BNC2: variants seen among roughly 807,000 people sequenced by gnomAD.
BNC2 encodes basonuclin zinc finger protein 2.
BNC2 carries 20 observed loss-of-function variants against 76.3 expected under a neutral mutation model. That is an observed-to-expected ratio of 0.26 (90% CI 0.18 to 0.38). The LOEUF is 0.38. BNC2 is among the 10% of genes least tolerant of loss of function. BNC2 has a pLI of 1.00. For missense variants in BNC2, 1,382 were observed against 1,399.8 expected, an observed-to-expected ratio of 0.99 and a Z score of 0.20; for synonymous variants, 582 against 514.8, an observed-to-expected ratio of 1.13 and a Z score of -1.77.
chr9:16,482,388 C>G (rs2131534435), intron 5 of BNC2, among the ~76,000 whole-genome samples: 1 of 151,596 alleles, frequency 6.6e-6, no homozygotes, highest in Non-Finnish European at 1.5e-5. Flanking sequence ...TGTGTCAACC[C>G]AATAGTGTTG....
chr9:16,697,134 G>A (rs1447710004), intron 3 of BNC2, among the ~76,000 whole-genome samples: 3 of 152,012 alleles, frequency 2.0e-5, no homozygotes, highest in African/African-American at 7.2e-5. Flanking sequence ...GCTGAGGCGG[G>A]TGGATCACGA....
At chr9:16,719,136 C>G (rs902794567) in intron 3 of BNC2, among the ~76,000 whole-genome samples, 1 of 152,144 alleles carries the variant, frequency 6.6e-6, no homozygotes, top group South Asian at 2.1e-4. Context: ...GGCATTCTCA[C>G]TCAGGGACAC....
intron 4 of BNC2, among the ~76,000 whole-genome samples, chr9:16,573,002 A>C (rs1819369423): frequency 1.3e-5 from 2 of 152,036 alleles, no homozygotes; most frequent in African/African-American, 4.8e-5. Context: ...CCAGTGCGGG[A>C]AGATCATTTG....
chr9:16,734,239 G>A (rs1301736989), intron 2 of BNC2, among the ~76,000 whole-genome samples: 1 of 152,170 alleles, frequency 6.6e-6, no homozygotes, highest in Non-Finnish European at 1.5e-5. Flanking sequence ...ATCTGTGAAT[G>A]AATGAACTAT....
intron 5 of BNC2, among the ~76,000 whole-genome samples, chr9:16,497,556 C>T (rs1300325739): frequency 6.6e-6 from 1 of 152,118 alleles, no homozygotes; most frequent in Non-Finnish European, 1.5e-5. Context: ...GATCTCTGCT[C>T]TCATGGACCT....
At chr9:16,638,684 T>A (rs1821398476) in intron 3 of BNC2, among the ~76,000 whole-genome samples, 1 of 152,048 alleles carries the variant, frequency 6.6e-6, no homozygotes, top group Non-Finnish European at 1.5e-5. Flanking sequence ...ATAGACAACC[T>A]TTAAAAGAAA....
intron 5 of BNC2, among the ~76,000 whole-genome samples, chr9:16,551,408 G>C (rs1279652094): frequency 1.3e-5 from 2 of 152,198 alleles, no homozygotes; most frequent in African/African-American, 4.8e-5. Flanking sequence ...ACGAGAGGTA[G>C]ACTGAGGCTC....
At chr9:16,852,985 G>C (rs1819163516) in intron 1 of BNC2, among the ~76,000 whole-genome samples, 1 of 152,180 alleles carries the variant, frequency 6.6e-6, no homozygotes, top group Non-Finnish European at 1.5e-5. Context: ...TGATGGTAAG[G>C]AGTTGGGATT....
intron 3 of BNC2, among the ~76,000 whole-genome samples, chr9:16,652,005 A>G (rs1821807583): frequency 6.6e-6 from 1 of 152,208 alleles, no homozygotes; most frequent in African/African-American, 2.4e-5. Flanking sequence ...CTTACACAGC[A>G]TATGTGTTCC....
At chr9:16,687,054 T>C (rs1156837317) in intron 3 of BNC2, among the ~76,000 whole-genome samples, 2 of 152,090 alleles carry the variant, frequency 1.3e-5, no homozygotes, top group African/African-American at 2.4e-5. Context: ...TTACGGAGTA[T>C]GAGCATCTCC....
At chr9:16,580,040 C>A in intron 4 of BNC2, 1 of 398,336 alleles carries the variant, frequency 2.5e-6, no homozygotes, top group South Asian at 1.3e-4. Flanking sequence ...AAACCCAAGT[C>A]ACTTCCTCAT....
At chr9:16,669,949 T>C (rs1822425585) in intron 3 of BNC2, among the ~76,000 whole-genome samples, 1 of 152,224 alleles carries the variant, frequency 6.6e-6, no homozygotes, top group Non-Finnish European at 1.5e-5. Flanking sequence ...TTGTGGACCA[T>C]GACTCCAATA....
At chr9:16,549,361 C>A (rs1249941587) in intron 5 of BNC2, among the ~76,000 whole-genome samples, 1 of 152,216 alleles carries the variant, frequency 6.6e-6, no homozygotes, top group Non-Finnish European at 1.5e-5. Flanking sequence ...CCACCCTAAC[C>A]TGCCTTGATA....
intron 3 of BNC2, among the ~76,000 whole-genome samples, chr9:16,694,198 G>A (rs1340644176): frequency 3.3e-5 from 5 of 152,190 alleles, no homozygotes; most frequent in Admixed American, 1.3e-4. Context: ...AGGGAAAAAG[G>A]GTGATTGAAA....
intron 3 of BNC2, among the ~76,000 whole-genome samples, chr9:16,672,025 T>C (rs1298781605): frequency 2.6e-5 from 4 of 152,318 alleles, no homozygotes; most frequent in Non-Finnish European, 5.9e-5. Flanking sequence ...ACAAATCTTT[T>C]AGTGGTTACT....
chr9:16,491,144 CGA>C (rs1822272222), intron 5 of BNC2, among the ~76,000 whole-genome samples: 1 of 151,970 alleles, frequency 6.6e-6, no homozygotes, highest in Non-Finnish European at 1.5e-5. Context: ...AGCAAGGCAC[CGA>C]GAGCAAAGAC....
intron 3 of BNC2, among the ~76,000 whole-genome samples, chr9:16,662,496 G>T (rs1243086782): frequency 6.6e-6 from 1 of 152,162 alleles, no homozygotes; most frequent in Admixed American, 6.5e-5. Flanking sequence ...AGCACTTTGG[G>T]AGACCAAGGC....
At chr9:16,840,245 C>G (rs1818794899) in intron 1 of BNC2, among the ~76,000 whole-genome samples, 1 of 152,156 alleles carries the variant, frequency 6.6e-6, no homozygotes, top group South Asian at 2.1e-4. Context: ...CTTACTATTC[C>G]TTAATTTCTC....
intron 3 of BNC2, among the ~76,000 whole-genome samples, chr9:16,709,733 C>T (rs56757209): frequency 6.6e-6 from 1 of 151,996 alleles, no homozygotes; most frequent in African/African-American, 2.4e-5. Flanking sequence ...GGAAAGACTA[C>T]GTTAGTAAGT....
Sources: allele counts gnomAD v4.1 joint callset (sites outside exome capture counted in the v4.1 genomes callset), GRCh38; gene constraint gnomAD v4.1.1; transcripts MANE v1.5; gene names NCBI Gene and HGNC (gene_info 2026-07-23, HGNC 2026-07-21).